The following FGD3 variants were observed in gnomAD, a reference collection of about 807,000 sequenced individuals.
The protein encoded by FGD3 is FYVE, RhoGEF and PH domain containing 3, also known as FYVE, RhoGEF and PH domain-containing protein 3.
In FGD3, 45 loss-of-function variants were observed where a neutral mutation model predicts 71.8. That is an observed-to-expected ratio of 0.63 (90% confidence interval 0.49 to 0.80). The LOEUF (loss-of-function observed/expected upper bound fraction) is 0.80, where lower values mean the gene tolerates loss of function less well. Ranked by LOEUF, FGD3 falls within the 30% of genes least tolerant of loss-of-function variation. The pLI, the probability that FGD3 is intolerant of heterozygous loss-of-function variation, is 0.00. For missense variants in FGD3, 844 were observed against 951.5 expected (o/e 0.89, Z 1.49); for synonymous variants, 378 against 392.8 (o/e 0.96, Z 0.44).
At chr9:93,007,142 G>A (rs1861093743) in intron 6 of FGD3, among the ~76,000 whole-genome samples, 2 of 151,678 alleles carry the variant, frequency 1.3e-5, no homozygotes, top group Non-Finnish European at 2.9e-5. Flanking sequence ...CCAGGCTGGA[G>A]TGCAGTGGCG....
chr9:92,952,410 G>A (rs373894625), intron 1 of FGD3, among the ~76,000 whole-genome samples: 15 of 151,732 alleles, frequency 9.9e-5, no homozygotes, highest in African/African-American at 3.4e-4. Flanking sequence ...CTAATTTTTT[G>A]TATTTTTTAG....
intron 1 of FGD3, among the ~76,000 whole-genome samples, chr9:92,968,607 C>CTTTTTTTTTT (rs55908030): frequency 5.6e-5 from 8 of 143,022 alleles, no homozygotes; most frequent in Non-Finnish European, 1.1e-4. Flanking sequence ...TTCTTTCTTT[C>CTTTTTTTTTT]TTTTTTTTTT....
Position 93,035,591 on chromosome 9 carries a change from C to G in FGD3, c.*2C>G. Reference sequence around the variant, plus strand: ...CCTATGGGCGCAGCTGCTCCGTGAGCTGAGTCTCCCACTGCCCTGCACACC... The same window carrying G: ...CCTATGGGCGCAGCTGCTCCGTGAGGTGAGTCTCCCACTGCCCTGCACACC... On this transcript the variant is annotated 3_prime_UTR_variant, in exon 18 of 18. Transcript: ENST00000375482. 1 of 1,582,414 alleles carries G rather than the reference C, an allele frequency of 6.3e-7. No individual in the cohort carries two copies. The highest frequency in any genetic ancestry group is 8.6e-7 in the Non-Finnish European group (1 of 1,167,398).
At chr9:92,967,864 C>G (rs532079758) in intron 1 of FGD3, among the ~76,000 whole-genome samples, 1 of 152,310 alleles carries the variant, frequency 6.6e-6, no homozygotes, top group East Asian at 1.9e-4. Context: ...TGAGCCACTG[C>G]GCCCGGCCTC....
chr9:93,031,731 A>G (rs1470854485), intron 15 of FGD3, among the ~76,000 whole-genome samples: 1 of 152,108 alleles, frequency 6.6e-6, no homozygotes, highest in Non-Finnish European at 1.5e-5. Context: ...TCAAACTAGA[A>G]TTTCCCAAGG....
At chr9:93,002,120 A>T (rs1860877154) in intron 3 of FGD3, among the ~76,000 whole-genome samples, 1 of 152,218 alleles carries the variant, frequency 6.6e-6, no homozygotes, top group African/African-American at 2.4e-5. Flanking sequence ...GATGATTTCC[A>T]GCTTTAATTA....
chr9:93,010,968 C>G (rs1861326978), intron 7 of FGD3, among the ~76,000 whole-genome samples: 2 of 152,006 alleles, frequency 1.3e-5, no homozygotes, highest in Admixed American at 1.3e-4. Context: ...GCAGCCCGGA[C>G]AGGCGTCTGT....
intron 14 of FGD3, among the ~76,000 whole-genome samples, chr9:93,028,218 GCACACACACACACACA>G (rs547210870): frequency 1.4e-5 from 2 of 141,052 alleles, no homozygotes; most frequent in Non-Finnish European, 3.1e-5. Flanking sequence ...ACACACACAC[GCACACACACACACACA>G]CACCCCAATT....
intron 3 of FGD3, among the ~76,000 whole-genome samples, chr9:92,990,593 C>T (rs1860368693): frequency 6.6e-6 from 1 of 152,260 alleles, no homozygotes; most frequent in East Asian, 1.9e-4. Flanking sequence ...AGGTATATTC[C>T]TTCTATACCT....
At chr9:92,980,998 AT>A (rs1859971635) in intron 3 of FGD3, among the ~76,000 whole-genome samples, 1 of 151,794 alleles carries the variant, frequency 6.6e-6, no homozygotes, top group South Asian at 2.1e-4. Flanking sequence ...AAGAAAAAAA[AT>A]GTGTTGTTTA....
chr9:92,964,899 T>TC (rs1859256974), intron 1 of FGD3, among the ~76,000 whole-genome samples: 1 of 152,162 alleles, frequency 6.6e-6, no homozygotes, highest in East Asian at 1.9e-4. Context: ...GGCTAGGCTT[T>TC]CCCACACAGT....
intron 1 of FGD3, among the ~76,000 whole-genome samples, chr9:92,953,958 TC>T (rs1478235972): frequency 1.3e-5 from 2 of 152,198 alleles, no homozygotes; most frequent in Non-Finnish European, 2.9e-5. Context: ...GGGCAATAGT[TC>T]CCGGCTGGGA....
At position 93,003,132 on chromosome 9, in the gene FGD3, CTTTT is replaced by C; in HGVS notation, c.543+129_543+132del. 8.0e-6 allele frequency: 6 copies of C among 747,298 alleles called. No homozygotes were observed. The highest frequency in any genetic ancestry group is 8.2e-6 in the Non-Finnish European group (4 of 489,676). The allele number at this position is 747,298 out of a possible 1,614,324, so 46.3% of individuals were successfully genotyped here. On this transcript the variant is annotated intron_variant, in intron 4 of 17. Transcript: ENST00000375482. This position sits in a 1 kb window ranked among gnomAD's most constrained non-coding sequence, Gnocchi z 4.1. Reference sequence around the variant, plus strand: ...GACAAATTTAAGTCTGGTCTACAAACTTTTTTTTTTTTTTGAGACAAAGTCTCAC... The same window carrying C: ...GACAAATTTAAGTCTGGTCTACAAACTTTTTTTTTTGAGACAAAGTCTCAC...
At chr9:93,027,715 CTTTTTTT>C (rs1199094054) in intron 14 of FGD3, among the ~76,000 whole-genome samples, 16,366 of 102,092 alleles carry the variant, frequency 0.16, 836 homozygotes, top group South Asian at 0.2. Context: ...TTCTTTCTTT[CTTTTTTT>C]TTTTTTTTTT....
chr9:92,987,023 CAGACTTGCCTCCGAGGT>C (rs2118628887), intron 3 of FGD3, among the ~76,000 whole-genome samples: 1 of 152,340 alleles, frequency 6.6e-6, no homozygotes, highest in African/African-American at 2.4e-5. Context: ...AACAAAGAGG[CAGACTTGCCTCCGAGGT>C]AGACAGTCCA....
intron 5 of FGD3, 50 bp from the exon 6 acceptor site, chr9:93,005,974 A>G (rs1472992811): frequency 1.9e-6 from 3 of 1,541,030 alleles, no homozygotes; most frequent in Non-Finnish European, 2.6e-6. Flanking sequence ...CTAACCTCAG[A>G]GTCCCCATTG....
Position 93,002,984 on chromosome 9 carries a change from C to A in FGD3, c.513C>A (p.Thr171=), listed in dbSNP as rs1396952691. ...IAQELLHTEE[T]YVKRLHLLDQ... is the part of the protein sequence containing the mutation. The stretch of plus-strand genomic sequence containing the variant: ...AGGAGCTCCTGCACACCGAGGAGAC[C>A]TATGTGAAGCGGCTGCACCTGCTGG... Residue 171 remains threonine, a synonymous_variant, in exon 4 of 18, where the codon ACC becomes ACA. Coordinates refer to ENST00000375482, the MANE Select transcript of FGD3 (RefSeq NM_001083536.2). 6.2e-7 allele frequency: 1 copy of A among 1,614,166 alleles called. No homozygotes were observed. The highest frequency in any genetic ancestry group is 8.5e-7 in the Non-Finnish European group (1 of 1,180,026).
At chr9:93,015,851 A>G (rs1861659059) in intron 10 of FGD3, 22 bp downstream of exon 10, 1 of 1,606,368 alleles carries the variant, frequency 6.2e-7, no homozygotes, top group Non-Finnish European at 8.5e-7. Context: ...CCTCCATCTC[A>G]AACCTGTCCC....
chr9:92,976,342 T>C lies in FGD3; in HGVS notation c.86T>C (p.Leu29Pro). Reference protein sequence around the residue: ...MPDTGPGSSSLGKLQALPVGP... With the variant: ...MPDTGPGSSSPGKLQALPVGP... ...GACACTGGGCCTGGCAGTTCCTCCC[T>C]AGGGAAGCTTCAGGCGCTCCCTGTT... is the stretch of plus-strand genomic sequence containing the variant. Residue 29 changes from leucine to proline, a missense_variant, in exon 3 of 18, where the codon CTA (leucine) becomes CCA (proline). Coordinates refer to ENST00000375482, the MANE Select transcript of FGD3 (RefSeq NM_001083536.2). 2 of 1,610,646 alleles carry C rather than the reference T, an allele frequency of 1.2e-6. No individual in the cohort carries two copies. Among genetic ancestry groups the C allele is most frequent in the Non-Finnish European group, 1.7e-6 (2 of 1,179,092 alleles).
Sources: allele counts gnomAD v4.1 joint callset (sites outside exome capture counted in the v4.1 genomes callset), GRCh38; gene constraint gnomAD v4.1.1; non-coding constraint Gnocchi (gnomAD v3.1); transcripts MANE v1.5; gene names NCBI Gene and HGNC (gene_info 2026-07-23, HGNC 2026-07-21).